The following TMOD3 variants were observed in gnomAD, a reference collection of about 807,000 sequenced individuals.
TMOD3 encodes the protein tropomodulin 3.
In TMOD3, 20 loss-of-function variants were observed where a neutral mutation model predicts 39.2. The observed-to-expected ratio is 0.51, with a 90% CI of 0.36 to 0.74. TMOD3 has a LOEUF of 0.74. Among genes scored for constraint, TMOD3 ranks in the 30% least tolerant of loss-of-function variants. TMOD3 has a pLI of 0.00. For synonymous variants in TMOD3, 143 were observed against 145.8 expected, an observed-to-expected ratio of 0.98 and a Z score of 0.14; for missense variants, 381 against 412.8, an observed-to-expected ratio of 0.92 and a Z score of 0.67.
intron 1 of TMOD3, among the ~76,000 whole-genome samples, chr15:51,830,368 C>T (rs1157320171): frequency 6.6e-6 from 1 of 152,238 alleles, no homozygotes; most frequent in Non-Finnish European, 1.5e-5. Flanking sequence ...AGCTCCCAGG[C>T]AGCACAGCTG....
Position 51,912,882 on chromosome 15 carries a change from A to G in TMOD3, c.*4072A>G, listed in dbSNP as rs539183620. The G allele has an allele frequency of 1.3e-5, 2 of 152,330 alleles. No homozygotes were observed. The highest frequency in any genetic ancestry group is 4.1e-4 in the South Asian group (2 of 4,826). The allele number at this position is 152,330 out of a possible 1,614,324, so 9.4% of individuals were successfully genotyped here. A position where few individuals can be genotyped will look rare whatever the true frequency, so the allele number is the denominator to read the frequency against. On this transcript the variant is annotated 3_prime_UTR_variant, in exon 10 of 10. Transcript: ENST00000308580. ...TCTCACTGATCATTAATGTTTCTGG[A>G]TATTTCTTACCCTAAGATTTGCTTA...
intron 1 of TMOD3, among the ~76,000 whole-genome samples, chr15:51,854,015 G>A (rs980737636): frequency 1.3e-5 from 2 of 152,128 alleles, no homozygotes; most frequent in Non-Finnish European, 2.9e-5. Context: ...GAGGCCTAAA[G>A]TTTGTGGCCT....
At chr15:51,864,900 G>A (rs1376210297) in intron 2 of TMOD3, among the ~76,000 whole-genome samples, 2 of 152,098 alleles carry the variant, frequency 1.3e-5, no homozygotes, top group African/African-American at 4.8e-5. Context: ...GGGATAGTGC[G>A]CTCTCTAGCC....
intron 1 of TMOD3, among the ~76,000 whole-genome samples, chr15:51,855,017 G>C (rs1264122365): frequency 6.6e-6 from 1 of 152,180 alleles, no homozygotes; most frequent in East Asian, 1.9e-4. Context: ...AATATACCAG[G>C]AGTTTCTTGA....
At chr15:51,851,780 C>T (rs2056363277) in intron 1 of TMOD3, among the ~76,000 whole-genome samples, 1 of 152,166 alleles carries the variant, frequency 6.6e-6, no homozygotes, top group African/African-American at 2.4e-5. Flanking sequence ...CTACAGCCAA[C>T]CGCTGTGTTT....
chr15:51,898,138 G>A (rs1330152393), intron 7 of TMOD3, among the ~76,000 whole-genome samples: 2 of 152,160 alleles, frequency 1.3e-5, no homozygotes, highest in Non-Finnish European at 2.9e-5. Context: ...GGCCTTATAA[G>A]GCTTCACATG....
intron 9 of TMOD3, 80 bp downstream of exon 9, chr15:51,902,116 A>G (rs901858850): frequency 1.3e-5 from 20 of 1,522,398 alleles, no homozygotes; most frequent in Non-Finnish European, 1.7e-5. Context: ...TCTTAAGAAT[A>G]AATTCTAACA....
chr15:51,871,154 A>G (rs2056472808), intron 3 of TMOD3, among the ~76,000 whole-genome samples: 1 of 152,168 alleles, frequency 6.6e-6, no homozygotes, highest in African/African-American at 2.4e-5. Flanking sequence ...CCATCACGCT[A>G]CTGTTACAGG....
chr15:51,867,759 A>G (rs2056454342), intron 2 of TMOD3, among the ~76,000 whole-genome samples: 1 of 152,216 alleles, frequency 6.6e-6, no homozygotes, highest in African/African-American at 2.4e-5. Context: ...AAGCAAAGAT[A>G]TACCCAGAAA....
At chr15:51,879,775 A>C (rs1478669508) in intron 3 of TMOD3, among the ~76,000 whole-genome samples, 1 of 152,012 alleles carries the variant, frequency 6.6e-6, no homozygotes, top group African/African-American at 2.4e-5. Flanking sequence ...GAACACTGAC[A>C]GAGATACTTG....
intron 3 of TMOD3, among the ~76,000 whole-genome samples, chr15:51,883,671 G>C (rs1428932380): frequency 6.6e-6 from 1 of 152,014 alleles, no homozygotes; most frequent in Non-Finnish European, 1.5e-5. Flanking sequence ...AGAATCCCTG[G>C]AGAGCTTTAA....
chr15:51,836,852 C>T (rs1424659715), intron 1 of TMOD3, among the ~76,000 whole-genome samples: 1 of 152,038 alleles, frequency 6.6e-6, no homozygotes, highest in Non-Finnish European at 1.5e-5. Context: ...ACACCTGCAC[C>T]CACTCACTAA....
intron 1 of TMOD3, among the ~76,000 whole-genome samples, chr15:51,839,048 GGTT>G (rs2056300214): frequency 2.0e-5 from 3 of 152,098 alleles, no homozygotes; most frequent in South Asian, 2.1e-4. Context: ...GGAGGTTTGG[GGTT>G]GTTCATCTCA....
chr15:51,908,147 TG>T (rs764880883), intron 9 of TMOD3, among the ~76,000 whole-genome samples: 1 of 152,230 alleles, frequency 6.6e-6, no homozygotes, highest in Non-Finnish European at 1.5e-5. Flanking sequence ...TACATTGTAG[TG>T]TCTAATCAGG....
At chr15:51,865,742 G>A (rs2056442058) in intron 2 of TMOD3, among the ~76,000 whole-genome samples, 1 of 152,160 alleles carries the variant, frequency 6.6e-6, no homozygotes, top group African/African-American at 2.4e-5. Flanking sequence ...GGTAGTAGCA[G>A]CTACTTCAGC....
At chr15:51,903,795 A>C (rs1025673221) in intron 9 of TMOD3, among the ~76,000 whole-genome samples, 1 of 152,212 alleles carries the variant, frequency 6.6e-6, no homozygotes, top group Admixed American at 6.5e-5. Context: ...GAAAGCTTTA[A>C]AAACACATAG....
intron 1 of TMOD3, among the ~76,000 whole-genome samples, chr15:51,844,309 T>G (rs2056325834): frequency 6.6e-6 from 1 of 152,144 alleles, no homozygotes; most frequent in Non-Finnish European, 1.5e-5. Context: ...GTAGACTTTC[T>G]TGAGGTACTA....
chr15:51,865,353 G>A (rs371192121), intron 2 of TMOD3, among the ~76,000 whole-genome samples: 23 of 152,210 alleles, frequency 1.5e-4, no homozygotes, highest in African/African-American at 5.5e-4. Flanking sequence ...CAGAAATTAG[G>A]TAACTTGCCT....
chr15:51,869,834 A>G (rs1409313396), intron 3 of TMOD3, among the ~76,000 whole-genome samples: 4 of 152,118 alleles, frequency 2.6e-5, no homozygotes, highest in African/African-American at 7.2e-5. Flanking sequence ...ATGCTTCATA[A>G]TCAGTAGTTT....
Sources: allele counts gnomAD v4.1 joint callset (sites outside exome capture counted in the v4.1 genomes callset), GRCh38; gene constraint gnomAD v4.1.1; transcripts MANE v1.5; gene names NCBI Gene and HGNC (gene_info 2026-07-23, HGNC 2026-07-21).